MYO5B: variants seen among roughly 807,000 people sequenced by gnomAD.
MYO5B encodes myosin VB.
In MYO5B, 143 loss-of-function variants were observed where a neutral mutation model predicts 229.3. That is an observed-to-expected ratio of 0.62 (90% CI 0.54 to 0.72). The LOEUF (loss-of-function observed/expected upper bound fraction) is 0.72, where lower values mean the gene tolerates loss of function less well. MYO5B is among the 30% of genes least tolerant of loss of function. The pLI is 0.00. For missense variants in MYO5B, 2,321 were observed against 2,331.0 expected, an observed-to-expected ratio of 1.00 and a Z score of 0.09; for synonymous variants, 918 against 885.2, an observed-to-expected ratio of 1.04 and a Z score of -0.66.
At chr18:49,833,932 GT>G (rs1400269995) in intron 39 of MYO5B, among the ~76,000 whole-genome samples, 1 of 152,296 alleles carries the variant, frequency 6.6e-6, no homozygotes, top group East Asian at 1.9e-4. Context: ...TCTGCGGCCT[GT>G]GTCTTTAACA....
At chr18:50,105,635 CTT>C (rs572686430) in intron 1 of MYO5B, among the ~76,000 whole-genome samples, 6 of 145,948 alleles carry the variant, frequency 4.1e-5, no homozygotes, top group African/African-American at 1.5e-4. Flanking sequence ...GGGTGCATTT[CTT>C]TTTTTTTTTC....
At chr18:50,098,737 A>G (rs934974810) in intron 1 of MYO5B, 1 of 152,464 alleles carries the variant, frequency 6.6e-6, no homozygotes, top group African/African-American at 2.4e-5. Flanking sequence ...AATGACTCCA[A>G]TACATGCTCT....
chr18:50,189,413 T>G (rs1054353548), intron 1 of MYO5B, among the ~76,000 whole-genome samples: 1 of 152,216 alleles, frequency 6.6e-6, no homozygotes, highest in African/African-American at 2.4e-5. Flanking sequence ...TTTAGAGCTG[T>G]TCCATTCTCA....
At chr18:50,014,643 A>G (rs532422193) in intron 4 of MYO5B, among the ~76,000 whole-genome samples, 1 of 152,204 alleles carries the variant, frequency 6.6e-6, no homozygotes, top group Non-Finnish European at 1.5e-5. Flanking sequence ...AAGTGTCCCC[A>G]CTGTACCATT....
At chr18:50,092,038 T>C (rs191774054) in intron 1 of MYO5B, among the ~76,000 whole-genome samples, 1 of 152,270 alleles carries the variant, frequency 6.6e-6, no homozygotes, top group East Asian at 1.9e-4. Flanking sequence ...TTCAGGGCTG[T>C]TACTTCATGA....
At chr18:50,185,937 G>C (rs1181186845) in intron 1 of MYO5B, among the ~76,000 whole-genome samples, 3 of 152,174 alleles carry the variant, frequency 2.0e-5, no homozygotes, top group Non-Finnish European at 4.4e-5. Context: ...AGTACATATT[G>C]TGCATAAGTC....
At chr18:49,930,901 C>A (rs949643730) in intron 16 of MYO5B, among the ~76,000 whole-genome samples, 76 of 132,176 alleles carry the variant, frequency 5.7e-4, no homozygotes, top group African/African-American at 1.8e-3. Flanking sequence ...CAAAAAAAAA[C>A]ACTAGTAAGA....
intron 1 of MYO5B, among the ~76,000 whole-genome samples, chr18:50,111,426 A>G (rs188693200): frequency 4.6e-5 from 7 of 152,370 alleles, no homozygotes; most frequent in Admixed American, 3.9e-4. Context: ...ATTATAATTT[A>G]AACTAGTAGG....
At chr18:50,049,792 G>T (rs955713376) in intron 2 of MYO5B, among the ~76,000 whole-genome samples, 3 of 152,172 alleles carry the variant, frequency 2.0e-5, no homozygotes, top group Non-Finnish European at 4.4e-5. Flanking sequence ...AAGCAGCTGG[G>T]CAAAGCATCC....
chr18:50,092,968 G>T (rs2144490850), intron 1 of MYO5B, among the ~76,000 whole-genome samples: 1 of 152,192 alleles, frequency 6.6e-6, no homozygotes, highest in African/African-American at 2.4e-5. Context: ...GCAAACAAAA[G>T]CAAATGGCAG....
At chr18:50,194,455 G>A in intron 1 of MYO5B, among the ~76,000 whole-genome samples, 1 of 152,178 alleles carries the variant, frequency 6.6e-6, no homozygotes, top group East Asian at 1.9e-4. Flanking sequence ...CTCGGTTGGA[G>A]CCGAGCCCAG....
At chr18:50,110,759 G>T (rs2031851252) in intron 1 of MYO5B, among the ~76,000 whole-genome samples, 1 of 152,202 alleles carries the variant, frequency 6.6e-6, no homozygotes, top group South Asian at 2.1e-4. Flanking sequence ...TAGCGAGAAT[G>T]ATGAGTTTAA....
intron 14 of MYO5B, among the ~76,000 whole-genome samples, chr18:49,950,657 C>T (rs914010168): frequency 3.3e-5 from 5 of 151,990 alleles, no homozygotes; most frequent in African/African-American, 9.7e-5. Context: ...AAAAGATGTA[C>T]CAACATGCAG....
intron 23 of MYO5B, among the ~76,000 whole-genome samples, chr18:49,879,938 A>T (rs1228305): frequency 1.3e-5 from 2 of 152,140 alleles, no homozygotes; most frequent in African/African-American, 4.8e-5. Flanking sequence ...GAAACCCAGC[A>T]ATGACGACAG....
intron 1 of MYO5B, among the ~76,000 whole-genome samples, chr18:50,193,501 G>A (rs1281290310): frequency 3.3e-5 from 5 of 152,268 alleles, no homozygotes; most frequent in African/African-American, 1.2e-4. Context: ...AGCCCACGGA[G>A]CCGAAGGGCT....
intron 4 of MYO5B, among the ~76,000 whole-genome samples, chr18:50,016,137 G>T (rs145514741): frequency 5.3e-5 from 8 of 152,224 alleles, no homozygotes; most frequent in Admixed American, 4.6e-4. Flanking sequence ...AGCATGATCA[G>T]AGTGCCATGC....
intron 1 of MYO5B, among the ~76,000 whole-genome samples, chr18:50,131,380 T>C (rs1041311423): frequency 5.3e-5 from 8 of 152,186 alleles, no homozygotes; most frequent in African/African-American, 9.7e-5. Context: ...AATAGGACTA[T>C]GAAACAGGCA....
chr18:49,940,663 A>C (rs1172994591), intron 14 of MYO5B, among the ~76,000 whole-genome samples: 2 of 152,142 alleles, frequency 1.3e-5, no homozygotes. Context: ...TCACATATTA[A>C]AGTAACCCAT....
intron 5 of MYO5B, among the ~76,000 whole-genome samples, chr18:49,994,187 C>A (rs1452717626): frequency 3.3e-5 from 5 of 152,176 alleles, no homozygotes; most frequent in Non-Finnish European, 2.9e-5. Flanking sequence ...CCAGGCCCTA[C>A]ATTTCCCTCT....
Sources: allele counts gnomAD v4.1 joint callset (sites outside exome capture counted in the v4.1 genomes callset), GRCh38; gene constraint gnomAD v4.1.1; transcripts MANE v1.5; gene names NCBI Gene and HGNC (gene_info 2026-07-23, HGNC 2026-07-21).